The following GUCY1A2 variants were observed in gnomAD, a reference collection of about 807,000 sequenced individuals.
GUCY1A2 encodes guanylate cyclase soluble subunit alpha-2.
GUCY1A2 carries 27 observed loss-of-function variants against 63.5 expected under a neutral mutation model. The ratio of observed to expected loss-of-function variants is 0.43; its 90% CI spans 0.31 to 0.59. GUCY1A2 has a LOEUF of 0.59. GUCY1A2 is among the 20% of genes least tolerant of loss of function. GUCY1A2 has a pLI of 0.11. For synonymous variants in GUCY1A2, 364 were observed against 343.5 expected (o/e 1.06, Z -0.66); for missense variants, 768 against 913.3 (o/e 0.84, Z 2.05).
At position 106,810,406 on chromosome 11, in the gene GUCY1A2, C is replaced by T; in HGVS notation, c.1279G>A (p.Val427Met). 6.2e-7 allele frequency: 1 copy of T among 1,613,258 alleles called. No individual in the cohort carries two copies. The highest frequency in any genetic ancestry group is 8.5e-7 in the Non-Finnish European group (1 of 1,179,558). Residue 427 changes from valine (V) to methionine (M), a missense_variant, in exon 5 of 8, where the codon GTG (valine) becomes ATG (methionine). Transcript: ENST00000526355. ...CCCATGAGTTCATCCAACTTGTCCA[C>T]ACATGGAGAGCCCAAAAATAAAATG... ...NSILFLGSPC[V>M]DKLDELMGRG...
At chr11:106,755,616 T>C (rs897525791) in intron 6 of GUCY1A2, among the ~76,000 whole-genome samples, 1 of 152,232 alleles carries the variant, frequency 6.6e-6, no homozygotes, top group African/African-American at 2.4e-5. Flanking sequence ...CCAGTAGTCA[T>C]TCAGGAGCAG....
At chr11:106,920,314 G>A (rs1424070736) in intron 4 of GUCY1A2, among the ~76,000 whole-genome samples, 1 of 152,100 alleles carries the variant, frequency 6.6e-6, no homozygotes, top group Non-Finnish European at 1.5e-5. Context: ...ACATTAGGCA[G>A]TGGATTCACA....
At chr11:106,707,335 CTATTT>C (rs1862934639) in intron 7 of GUCY1A2, among the ~76,000 whole-genome samples, 2 of 151,932 alleles carry the variant, frequency 1.3e-5, no homozygotes, top group Non-Finnish European at 2.9e-5. Flanking sequence ...GAAAATATCA[CTATTT>C]TATTTATTAT....
intron 4 of GUCY1A2, among the ~76,000 whole-genome samples, chr11:106,874,105 G>A (rs1014328014): frequency 6.6e-6 from 1 of 152,150 alleles, no homozygotes; most frequent in African/African-American, 2.4e-5. Flanking sequence ...GTTTCAGCAG[G>A]AGGGTATTTT....
chr11:106,866,730 C>A (rs960196600), intron 4 of GUCY1A2, among the ~76,000 whole-genome samples: 17 of 151,988 alleles, frequency 1.1e-4, no homozygotes, highest in African/African-American at 4.1e-4. Flanking sequence ...AATTAAAATG[C>A]ACAGTATCTG....
intron 3 of GUCY1A2, among the ~76,000 whole-genome samples, chr11:106,940,786 T>C (rs1403634819): frequency 6.6e-6 from 1 of 152,222 alleles, no homozygotes; most frequent in Non-Finnish European, 1.5e-5. Context: ...ATCTAGCTGT[T>C]CACCTTTCAA....
chr11:106,824,493 T>C (rs1858941441), intron 4 of GUCY1A2, among the ~76,000 whole-genome samples: 2 of 152,064 alleles, frequency 1.3e-5, no homozygotes, highest in African/African-American at 4.8e-5. Flanking sequence ...GAGAAGTCTG[T>C]TTCTGCTGTT....
At chr11:106,967,009 G>A (rs752135695) in intron 3 of GUCY1A2, among the ~76,000 whole-genome samples, 10 of 152,162 alleles carry the variant, frequency 6.6e-5, no homozygotes, top group Non-Finnish European at 1.5e-4. Context: ...GGTGAATGAA[G>A]TCTCATAAAA....
chr11:106,997,624 C>G (rs1176202273), intron 1 of GUCY1A2, among the ~76,000 whole-genome samples: 2 of 140,156 alleles, frequency 1.4e-5, no homozygotes, highest in Non-Finnish European at 3.1e-5. Context: ...GGAACCCCCC[C>G]CCCCCACCCG....
chr11:106,978,560 C>G lies in GUCY1A2; in HGVS notation c.487+59G>C, dbSNP rs1352672970. ...TTGGTAGAACATGAAACACTTCCAC[C>G]TCGACTTTCCCTCTCTTTCATTCTC... On this transcript the variant is annotated intron_variant, in intron 3 of 7. Coordinates refer to ENST00000526355, the MANE Select transcript of GUCY1A2 (RefSeq NM_000855.3). 9 of 1,201,110 alleles carry G rather than the reference C, an allele frequency of 7.5e-6. No homozygotes were observed. The East Asian group carries it at 2.2e-4, about 29-fold the overall frequency. The allele number at this position is 1,201,110 out of a possible 1,614,324, so 74.4% of individuals were successfully genotyped here. A position where few individuals can be genotyped will look rare whatever the true frequency, so the allele number is the denominator to read the frequency against.
At chr11:107,017,644 G>GC (rs1407925267) in intron 1 of GUCY1A2, 109 bp downstream of exon 1, 3 of 531,412 alleles carry the variant, frequency 5.6e-6, no homozygotes, top group Non-Finnish European at 8.7e-6. Flanking sequence ...AGGCCGGGCC[G>GC]CCCCCCAGCG....
At chr11:106,747,213 C>T (rs1179154555) in intron 6 of GUCY1A2, among the ~76,000 whole-genome samples, 1 of 152,166 alleles carries the variant, frequency 6.6e-6, no homozygotes, top group African/African-American at 2.4e-5. Flanking sequence ...TGGTCTCGAT[C>T]TCCTGACCTC....
At chr11:106,733,327 C>G (rs1863535201) in intron 6 of GUCY1A2, among the ~76,000 whole-genome samples, 1 of 152,000 alleles carries the variant, frequency 6.6e-6, no homozygotes, top group Non-Finnish European at 1.5e-5. Flanking sequence ...TATTTGAAAG[C>G]CATTGTTTAG....
At chr11:106,978,545 A>T in intron 3 of GUCY1A2, 74 bp downstream of exon 3, 1 of 1,024,712 alleles carries the variant, frequency 9.8e-7, no homozygotes, top group South Asian at 1.6e-5. Flanking sequence ...TTGGTAGAAC[A>T]TGAAACACTT....
At position 106,777,872 on chromosome 11, in the gene GUCY1A2, A is replaced by T. The variant is rs147832999; in HGVS notation, c.1693-1290T>A. Among the ~76,000 whole-genome samples, 33 of 152,318 alleles carry T rather than the reference A, an allele frequency of 2.2e-4. 1 individual carries two copies. Among genetic ancestry groups the T allele is most frequent in the African/African-American group, 7.0e-4 (29 of 41,576 alleles). ...AACAAGTATTAGTGACATTTGAAAG[A>T]TGAAAAATTGAGGTGCAGAGGCCCA... On this transcript the variant is annotated intron_variant, in intron 5 of 7. Transcript: ENST00000526355.
chr11:106,764,979 G>GT (rs1864136667), intron 6 of GUCY1A2, among the ~76,000 whole-genome samples: 4 of 81,466 alleles, frequency 4.9e-5, no homozygotes, highest in Non-Finnish European at 7.5e-5. Flanking sequence ...TTGGGGGGGG[G>GT]TTGGGGGGCA....
intron 6 of GUCY1A2, among the ~76,000 whole-genome samples, chr11:106,713,912 A>G (rs1863170030): frequency 6.6e-6 from 1 of 152,000 alleles, no homozygotes; most frequent in African/African-American, 2.4e-5. Context: ...TTTAGATGCT[A>G]AGACTGTCCG....
intron 5 of GUCY1A2, among the ~76,000 whole-genome samples, chr11:106,804,633 TATCA>T (rs1858655609): frequency 1.3e-5 from 2 of 152,322 alleles, no homozygotes; most frequent in Admixed American, 1.3e-4. Context: ...AGTAGCTTCC[TATCA>T]AGTGGCAAGA....
In GUCY1A2 at chr11:107,018,247, T is replaced by C. The variant is rs1172239390; in HGVS notation, c.-192A>G. 1 of 157,028 alleles carries C rather than the reference T, an allele frequency of 6.4e-6. No homozygotes were observed. The highest frequency in any genetic ancestry group is 1.3e-5 in the Non-Finnish European group (1 of 74,870). The allele number at this position is 157,028 out of a possible 1,614,324, so 9.7% of individuals were successfully genotyped here. A position where few individuals can be genotyped will look rare whatever the true frequency, so the allele number is the denominator to read the frequency against. On this transcript the variant is annotated 5_prime_UTR_variant, in exon 1 of 8. Coordinates refer to ENST00000526355, the MANE Select transcript of GUCY1A2 (RefSeq NM_000855.3). ...GAGCCGGCTGCTCATGGCGGGAACT[T>C]GGGGCGCCGCCGCACCTTGGGGCCC...
Sources: allele counts gnomAD v4.1 joint callset (sites outside exome capture counted in the v4.1 genomes callset), GRCh38; gene constraint gnomAD v4.1.1; transcripts MANE v1.5; gene names NCBI Gene and HGNC (gene_info 2026-07-23, HGNC 2026-07-21).